PER2: variants seen among roughly 807,000 people sequenced by gnomAD.
The protein encoded by PER2 is period circadian regulator 2.
In PER2, 66 loss-of-function variants were observed where a neutral mutation model predicts 121.0. That is an observed-to-expected ratio of 0.55 (90% CI 0.45 to 0.67). The LOEUF is 0.67. PER2 is among the 30% of genes least tolerant of loss of function. The pLI is 0.00. For missense variants in PER2, 1,521 were observed against 1,635.0 expected, an observed-to-expected ratio of 0.93 and a Z score of 1.20; for synonymous variants, 684 against 659.9, an observed-to-expected ratio of 1.04 and a Z score of -0.56.
intron 4 of PER2, 36 bp from the exon 5 acceptor site, chr2:238,273,227 C>G: frequency 7.5e-6 from 12 of 1,608,504 alleles, no homozygotes; most frequent in Non-Finnish European, 9.3e-6. Context: ...GTGGGCAGAA[C>G]CCAGCGCTTG....
chr2:238,276,306 T>C (rs1270599713), intron 3 of PER2, among the ~76,000 whole-genome samples: 3 of 152,226 alleles, frequency 2.0e-5, no homozygotes, highest in Admixed American at 1.3e-4. Flanking sequence ...TCAACAGACA[T>C]TGCCAGATGT....
rs1161387347 is a variant in PER2 at position 238,253,957 on chromosome 2, T to C, written c.2321-255A>G. ...TTCCTTATTTTCTTCTGGTATTAAA[T>C]GTCCTTTCTTTTATGAAATGCTAAT... On this transcript the variant is annotated intron_variant, in intron 18 of 22. Transcript: ENST00000254657. This position sits in a 1 kb window ranked among gnomAD's most constrained non-coding sequence, Gnocchi z 5.6. Among the ~76,000 whole-genome samples, 4 of 152,358 alleles carry C rather than the reference T, an allele frequency of 2.6e-5. No individual in the cohort carries two copies. In the East Asian group the frequency reaches 7.7e-4, roughly 29 times the overall value.
intron 5 of PER2, among the ~76,000 whole-genome samples, chr2:238,272,467 G>T (rs1364559863): frequency 1.3e-5 from 2 of 152,368 alleles, no homozygotes; most frequent in African/African-American, 4.8e-5. Context: ...GTTGGGGGCT[G>T]CCTGGGGGTT....
intron 1 of PER2, among the ~76,000 whole-genome samples, chr2:238,286,399 C>A (rs1696784060): frequency 6.6e-5 from 10 of 152,166 alleles, no homozygotes; most frequent in South Asian, 2.1e-4. Flanking sequence ...CACTGCTATT[C>A]ATTTACTGCT....
intron 21 of PER2, among the ~76,000 whole-genome samples, chr2:238,250,188 A>G (rs1411356688): frequency 6.6e-6 from 1 of 152,244 alleles, no homozygotes; most frequent in African/African-American, 2.4e-5. Flanking sequence ...TCAGACAGCC[A>G]GATACACCCC....
rs1453400269 is a variant in PER2 at position 238,245,352 on chromosome 2, C to A, written c.*1023G>T. The A allele has an allele frequency of 5.2e-6, 2 of 383,296 alleles. No individual in the cohort carries two copies. Among genetic ancestry groups the A allele is most frequent in the Admixed American group, 9.0e-5 (2 of 22,164 alleles). The allele number at this position is 383,296 out of a possible 1,614,324, so 23.7% of individuals were successfully genotyped here. A position where few individuals can be genotyped will look rare whatever the true frequency, so the allele number is the denominator to read the frequency against. On this transcript the variant is annotated 3_prime_UTR_variant, in exon 23 of 23. Coordinates refer to ENST00000254657, the MANE Select transcript of PER2 (RefSeq NM_022817.3). ...AAAGAATGAGGGCTGTGCACCCAAC[C>A]CAGGGTGCAGTGGGAGAGGTGAGCT...
chr2:238,292,737 T>C (rs1023380240), upstream of PER2, among the ~76,000 whole-genome samples: 1 of 151,440 alleles, frequency 6.6e-6, no homozygotes, highest in African/African-American at 2.4e-5. Context: ...TCTTTTTCTT[T>C]CTCTTTTTTT....
At chr2:238,258,038 G>A (rs1379523879) in intron 16 of PER2, among the ~76,000 whole-genome samples, 2 of 152,248 alleles carry the variant, frequency 1.3e-5, no homozygotes, top group South Asian at 4.1e-4. Context: ...AGGGGGGTCA[G>A]GGGACGGCCC....
chr2:238,292,091 G>A (rs116506071), upstream of PER2, among the ~76,000 whole-genome samples: 707 of 152,342 alleles, frequency 4.6e-3, 11 homozygotes, highest in African/African-American at 0.016. Flanking sequence ...CCAGGAGTTC[G>A]AGGTTGCAGT....
In PER2 at chr2:238,271,453, C is replaced by T; in HGVS notation, c.631G>A (p.Val211Ile). Residue 211 changes from valine (V) to isoleucine (I), a missense_variant, in exon 6 of 23, where the codon GTT becomes ATT. Coordinates refer to ENST00000254657, the MANE Select transcript of PER2 (RefSeq NM_022817.3). ...CTTTTACAGTGAAATATGGATGCAA[C>T]CTGGTCAGAGATGTACAGGATCTTC... The part of the protein sequence containing the change: ...SGKILYISDQ[V>I]ASIFHCKRDA... 6.2e-7 allele frequency: 1 copy of T among 1,614,084 alleles called. No homozygotes were observed. The highest frequency in any genetic ancestry group is 8.5e-7 in the Non-Finnish European group (1 of 1,179,908).
intron 10 of PER2, 44 bp from the exon 11 acceptor site, chr2:238,262,388 C>T: frequency 6.2e-7 from 1 of 1,601,570 alleles, no homozygotes; most frequent in South Asian, 1.1e-5. Flanking sequence ...GGGGAGCAAA[C>T]AGGATTTATA....
rs766084909 is a variant in PER2 at position 238,251,722 on chromosome 2, A to C, written c.3151T>G (p.Ser1051Ala). The change falls in exon 20 of 23, where the codon TCC (serine) becomes GCC (alanine). Residue 1051 changes from serine (S) to alanine (A), a missense_variant. Transcript: ENST00000254657. ...PSDTQNSDAL[S>A]TSSGLLNLLL... ...AGGTTTAGGAGGCCGCTTGACGTGG[A>C]AAGGGCGTCACTGTTCTGTGTGTCT... 1.9e-6 allele frequency: 3 copies of C among 1,613,498 alleles called. No individual in the cohort carries two copies. In the South Asian group the frequency reaches 3.3e-5, roughly 18 times the overall value.
intron 11 of PER2, 84 bp downstream of exon 11, chr2:238,262,107 A>G (rs1695951254): frequency 6.1e-6 from 8 of 1,313,688 alleles, no homozygotes; most frequent in Non-Finnish European, 8.8e-6. Flanking sequence ...GCCCCTCCCT[A>G]TGCCATCTGT....
In PER2 at chr2:238,277,142, T is replaced by C; in HGVS notation, c.282A>G (p.Thr94=). The C allele has an allele frequency of 6.2e-7, 1 of 1,612,070 alleles. No homozygotes were observed. ...MMAKSEHNPS[T]SGCSSDQSSK... Reference sequence around the variant, plus strand: ...CTAATTGGCCTTACCTGCAGCCACTTGTAGATGGGTTGTGTTCAGATTTTG... The same window carrying C: ...CTAATTGGCCTTACCTGCAGCCACTCGTAGATGGGTTGTGTTCAGATTTTG... Residue 94 remains threonine (T), a synonymous_variant, in exon 3 of 23, where the codon ACA becomes ACG. Transcript: ENST00000254657.
rs138292908 is a variant in PER2 at position 238,253,493 on chromosome 2, C to A, written c.2530G>T (p.Val844Leu). Reference protein sequence around the residue: ...SDTSQSSCPAVPFPAPVPAAY... With the variant: ...SDTSQSSCPALPFPAPVPAAY... Reference sequence around the variant, plus strand: ...GCTGGCACTGGGGCGGGAAAGGGCACGGCTGGGCAGCTGGACTGGGACGTG... The same window carrying A: ...GCTGGCACTGGGGCGGGAAAGGGCAAGGCTGGGCAGCTGGACTGGGACGTG... The change falls in exon 19 of 23, where the codon GTG becomes TTG. Residue 844 changes from valine to leucine, a missense_variant. Coordinates refer to ENST00000254657, the MANE Select transcript of PER2 (RefSeq NM_022817.3). This position sits in a 1 kb window ranked among gnomAD's most constrained non-coding sequence, Gnocchi z 5.6. 1.2e-4 allele frequency: 195 copies of A among 1,612,322 alleles called. 1 individual carries two copies. The East Asian group carries it at 3.3e-3, about 28-fold the overall frequency.
chr2:238,253,804 C>T lies in PER2; in HGVS notation c.2321-102G>A. 1 of 901,116 alleles carries T rather than the reference C, an allele frequency of 1.1e-6. No homozygotes were observed. The highest frequency in any genetic ancestry group is 1.8e-6 in the Non-Finnish European group (1 of 569,940). The allele number at this position is 901,116 out of a possible 1,614,324, so 55.8% of individuals were successfully genotyped here. On this transcript the variant is annotated intron_variant, in intron 18 of 22. Transcript: ENST00000254657. The surrounding 1 kb of genome is among the most constrained non-coding windows in gnomAD (Gnocchi z 5.6). The stretch of plus-strand genomic sequence containing the variant: ...GGGTTTCCAAATGCTGGCCCAGGGC[C>T]TGCCTGGTCCACCGAGCGGTTTTCC...
In PER2 at chr2:238,244,522, C is replaced by T. The variant is rs1390396634; in HGVS notation, c.*1853G>A. 6.6e-6 allele frequency: 1 copy of T among 152,192 alleles called. No individual in the cohort carries two copies. Among genetic ancestry groups the T allele is most frequent in the Non-Finnish European group, 1.5e-5 (1 of 68,036 alleles). The allele number at this position is 152,192 out of a possible 1,614,324, so 9.4% of individuals were successfully genotyped here. Reference sequence around the variant, plus strand: ...CTGTAACCTTAGATGAACACCTATCCCTTCATGATCTGACTTTAGAGGCAA... The same window carrying T: ...CTGTAACCTTAGATGAACACCTATCTCTTCATGATCTGACTTTAGAGGCAA... On this transcript the variant is annotated 3_prime_UTR_variant, in exon 23 of 23. Coordinates refer to ENST00000254657, the MANE Select transcript of PER2 (RefSeq NM_022817.3).
At position 238,253,317 on chromosome 2, in the gene PER2, A is replaced by C. The variant is rs1695663788; in HGVS notation, c.2706T>G (p.Pro902=). Residue 902 remains proline (P), a synonymous_variant, in exon 19 of 23, where the codon CCT becomes CCG. Coordinates refer to ENST00000254657, the MANE Select transcript of PER2 (RefSeq NM_022817.3). The surrounding 1 kb of genome is among the most constrained non-coding windows in gnomAD (Gnocchi z 5.6). ...QPPPFPAPLA[P]VMAFMLPSYS... is the part of the protein sequence containing the mutation. ...AACTGGGTAGCATGAATGCCATGAC[A>C]GGCGCCAAAGGGGCAGGGAAAGGTG... is the stretch of plus-strand genomic sequence containing the variant. 2 of 1,613,556 alleles carry C rather than the reference A, an allele frequency of 1.2e-6. No individual in the cohort carries two copies. The highest frequency in any genetic ancestry group is 1.7e-6 in the Non-Finnish European group (2 of 1,179,732).
At chr2:238,262,391 G>A (rs761791312) in intron 10 of PER2, 47 bp from the exon 11 acceptor site, 2 of 1,592,246 alleles carry the variant, frequency 1.3e-6, no homozygotes, top group Admixed American at 1.7e-5. Flanking sequence ...GAGCAAACAG[G>A]ATTTATAGTA....
Sources: gnomAD v4.1 joint callset for allele counts (sites outside exome capture counted in the v4.1 genomes callset) on GRCh38, gnomAD v4.1.1 for gene constraint, Gnocchi (gnomAD v3.1) non-coding constraint, MANE v1.5 for transcripts, NCBI Gene and HGNC (gene_info 2026-07-23, HGNC 2026-07-21) for gene names.